Variants in CDK13 observed in about 807,000 individuals in gnomAD.
CDK13 encodes the protein cyclin dependent kinase 13, also known as cyclin-dependent kinase 13.
A neutral mutation model predicts 137.6 loss-of-function variants in CDK13; 40 were observed. The ratio of observed to expected loss-of-function variants is 0.29; its 90% CI spans 0.23 to 0.38. The LOEUF (loss-of-function observed/expected upper bound fraction) is 0.38, where lower values mean the gene tolerates loss of function less well. Among genes scored for constraint, CDK13 ranks in the 10% least tolerant of loss-of-function variants. CDK13 has a pLI of 1.00. For missense variants in CDK13, 1,704 were observed against 1,951.8 expected, an observed-to-expected ratio of 0.87 and a Z score of 2.39; for synonymous variants, 869 against 760.1, an observed-to-expected ratio of 1.14 and a Z score of -2.36.
chr7:39,989,110 A>AG (rs1372787143), intron 2 of CDK13, among the ~76,000 whole-genome samples: 12 of 98,420 alleles, frequency 1.2e-4, no homozygotes, highest in African/African-American at 6.8e-4. Context: ...AAAAAAAAAA[A>AG]AGAGAAAATT....
chr7:40,006,726 G>A (rs1784802591), intron 5 of CDK13, among the ~76,000 whole-genome samples: 1 of 152,190 alleles, frequency 6.6e-6, no homozygotes, highest in Non-Finnish European at 1.5e-5. Flanking sequence ...AGGTTGCAGT[G>A]AGCCGAGATT....
chr7:39,976,323 T>TCTCTCTCTCTCTCTCACACACA, intron 1 of CDK13, among the ~76,000 whole-genome samples: 69 of 39,560 alleles, frequency 1.7e-3, no homozygotes, highest in Admixed American at 1.9e-3. Context: ...TCTCTCTCTC[T>TCTCTCTCTCTCTCTCACACACA]CACACACACA....
At position 39,950,306 on chromosome 7, in the gene CDK13, CA is replaced by C. The variant is rs1787099226; in HGVS notation, c.-335del. The C allele has an allele frequency of 9.1e-7, 1 of 1,104,382 alleles. No homozygotes were observed. Among genetic ancestry groups the C allele is most frequent in the Non-Finnish European group, 1.1e-6 (1 of 906,792 alleles). 68.4% of individuals were successfully genotyped at this position (1,104,382 alleles called of 1,614,324 possible). ...GAGAGCGCGGCCAAGGCCGCTCCCCCACCCCCGGGGGCACTTGGAGGACTCG... is the reference window on the plus strand; with the variant it reads ...GAGAGCGCGGCCAAGGCCGCTCCCCCCCCCCGGGGGCACTTGGAGGACTCG... On this transcript the variant is annotated 5_prime_UTR_variant, in exon 1 of 14. Coordinates refer to ENST00000181839, the MANE Select transcript of CDK13 (RefSeq NM_003718.5).
At chr7:40,066,000 T>C (rs1341600223) in intron 9 of CDK13, among the ~76,000 whole-genome samples, 1 of 152,024 alleles carries the variant, frequency 6.6e-6, no homozygotes, top group Non-Finnish European at 1.5e-5. Context: ...GCCTGAGCAA[T>C]ATAGTGAGAA....
At chr7:39,960,605 G>A (rs1562698659) in intron 1 of CDK13, among the ~76,000 whole-genome samples, 2 of 149,486 alleles carry the variant, frequency 1.3e-5, no homozygotes, top group South Asian at 4.3e-4. Context: ...GAGTCTCACT[G>A]TTGTCGCCCA....
intron 5 of CDK13, among the ~76,000 whole-genome samples, chr7:40,041,489 A>T (rs1234538671): frequency 1.3e-5 from 2 of 152,010 alleles, no homozygotes; most frequent in Non-Finnish European, 2.9e-5. Context: ...TTTATTTTTA[A>T]TTTTTTTCTA....
intron 11 of CDK13, among the ~76,000 whole-genome samples, 156 bp from the exon 12 acceptor site, chr7:40,087,970 A>G (rs1221951038): frequency 1.3e-5 from 2 of 152,200 alleles, no homozygotes; most frequent in African/African-American, 2.4e-5. Flanking sequence ...AAGTGGGACA[A>G]TAAGGATGAT....
chr7:40,049,729 T>TC (rs1562749364), intron 7 of CDK13, among the ~76,000 whole-genome samples: 1 of 152,072 alleles, frequency 6.6e-6, no homozygotes, highest in East Asian at 1.9e-4. Context: ...GCCAGCATCT[T>TC]CCCCCCATAC....
chr7:39,975,283 G>A (rs1471838644), intron 1 of CDK13, among the ~76,000 whole-genome samples: 1 of 151,992 alleles, frequency 6.6e-6, no homozygotes, highest in Non-Finnish European at 1.5e-5. Flanking sequence ...GCCTGGTGGT[G>A]TGCACTTGTC....
intron 1 of CDK13, among the ~76,000 whole-genome samples, chr7:39,960,076 CT>C (rs11367509): frequency 0.54 from 75,669 of 138,994 alleles, 21,205 homozygotes; most frequent in African/African-American, 0.75. Flanking sequence ...AAAGTTTTTT[CT>C]TTTTTTTTTT....
intron 1 of CDK13, among the ~76,000 whole-genome samples, chr7:39,977,932 A>G (rs1784144347): frequency 6.6e-6 from 1 of 152,228 alleles, no homozygotes; most frequent in East Asian, 1.9e-4. Context: ...AAAAGAGATC[A>G]TGTGGAATGT....
At chr7:39,970,776 T>C (rs1201612485) in intron 1 of CDK13, among the ~76,000 whole-genome samples, 2 of 152,196 alleles carry the variant, frequency 1.3e-5, no homozygotes, top group Non-Finnish European at 2.9e-5. Context: ...TCATCTGTTT[T>C]ATGTCTGTTT....
intron 9 of CDK13, among the ~76,000 whole-genome samples, chr7:40,067,061 A>G (rs1404823433): frequency 1.3e-5 from 2 of 152,180 alleles, no homozygotes; most frequent in Admixed American, 6.5e-5. Flanking sequence ...CAATATCAGC[A>G]TTATTCGAAG....
At position 39,997,558 on chromosome 7, in the gene CDK13, C is replaced by T. The variant is rs560363391; in HGVS notation, c.1936C>T (p.Leu646Phe). Reference protein sequence around the residue: ...KEVEKKLRCLLADLPLPPELP... With the variant: ...KEVEKKLRCLFADLPLPPELP... ...AGTAGAAAAGAAACTCCGATGTCTT[C>T]TTGCTGATTTACCGCTGCCCCCTGA... Residue 646 changes from leucine to phenylalanine, a missense_variant, in exon 3 of 14, where the codon CTT becomes TTT. Leu to Phe is a conservative substitution (Grantham distance 22). Transcript: ENST00000181839. The T allele has an allele frequency of 1.9e-6, 3 of 1,605,358 alleles. 1 individual carries two copies. In the East Asian group the frequency reaches 6.7e-5, roughly 36 times the overall value.
chr7:40,080,549 A>T (rs1298574495), intron 11 of CDK13, among the ~76,000 whole-genome samples: 1 of 152,110 alleles, frequency 6.6e-6, no homozygotes, highest in Non-Finnish European at 1.5e-5. Context: ...GCCAAAAAGG[A>T]TCTATTACCT....
chr7:39,951,985 C>A, intron 1 of CDK13, 133 bp downstream of exon 1: 9 of 1,009,158 alleles, frequency 8.9e-6, no homozygotes, highest in Non-Finnish European at 1.2e-5. Context: ...GCCTGAGCCT[C>A]CCAGGAAGGA....
chr7:40,085,903 A>C (rs371186365), intron 11 of CDK13, among the ~76,000 whole-genome samples: 10 of 152,264 alleles, frequency 6.6e-5, no homozygotes, highest in African/African-American at 2.4e-4. Context: ...TGAACCTACC[A>C]AACAAAAGCT....
chr7:40,047,915 G>C, intron 7 of CDK13, 38 bp downstream of exon 7: 4 of 1,305,252 alleles, frequency 3.1e-6, no homozygotes, highest in Non-Finnish European at 4.4e-6. Flanking sequence ...AGATACTAGA[G>C]TTTAGTATTA....
Position 40,081,495 on chromosome 7 carries a change from T to C in CDK13, c.3029+2644T>C, listed in dbSNP as rs371655279. ...TTGTTCCATTTTCATCTTGAACTTA[T>C]GTTACTCCCGTAGGCTTTTATTCTA... On this transcript the variant is annotated intron_variant, in intron 11 of 13. Transcript: ENST00000181839. 3.9e-4 allele frequency among the ~76,000 whole-genome samples: 60 copies of C among 152,358 alleles called. 1 individual carries two copies. In the South Asian group the frequency reaches 0.012, roughly 31 times the overall value.
Sources: gnomAD v4.1 joint callset for allele counts (sites outside exome capture counted in the v4.1 genomes callset) on GRCh38, gnomAD v4.1.1 for gene constraint, MANE v1.5 for transcripts, NCBI Gene and HGNC (gene_info 2026-07-23, HGNC 2026-07-21) for gene names.